Variants in NCK2 observed in about 807,000 individuals in gnomAD.
The protein encoded by NCK2 is cytoplasmic protein NCK2.
A neutral mutation model predicts 33.9 loss-of-function variants in NCK2; 16 were observed. The observed-to-expected ratio is 0.47, with a 90% CI of 0.32 to 0.72. The LOEUF is 0.72. Among genes scored for constraint, NCK2 ranks in the 30% least tolerant of loss-of-function variants. The probability of loss-of-function intolerance (pLI) is 0.03; values close to 1 mark genes in which losing one functional copy is unlikely to be tolerated. For synonymous variants in NCK2, 273 were observed against 239.9 expected (o/e 1.14, Z -1.27); for missense variants, 418 against 537.3 (o/e 0.78, Z 2.19).
At chr2:105,833,459 T>C (rs1446400880) in intron 2 of NCK2, among the ~76,000 whole-genome samples, 3 of 152,186 alleles carry the variant, frequency 2.0e-5, no homozygotes, top group African/African-American at 7.2e-5. Context: ...TTGTTTTCCT[T>C]GGGTTTTCTA....
At chr2:105,751,495 G>A (rs1178346334) in intron 1 of NCK2, among the ~76,000 whole-genome samples, 1 of 152,204 alleles carries the variant, frequency 6.6e-6, no homozygotes, top group African/African-American at 2.4e-5. Flanking sequence ...GGGCTTGCAC[G>A]ACTGGGCTGC....
chr2:105,887,599 C>T (rs756086507), intron 4 of NCK2, among the ~76,000 whole-genome samples: 11 of 152,112 alleles, frequency 7.2e-5, no homozygotes, highest in Non-Finnish European at 1.3e-4. Flanking sequence ...GAGCAAGGCC[C>T]CTCCCTCCCG....
chr2:105,847,149 A>T (rs1676882491), intron 2 of NCK2: 1 of 152,160 alleles, frequency 6.6e-6, no homozygotes, highest in Non-Finnish European at 1.5e-5. Context: ...GTTGCCAGGG[A>T]CTGGGGGAAG....
intron 1 of NCK2, among the ~76,000 whole-genome samples, chr2:105,779,631 A>G (rs533654822): frequency 6.6e-6 from 1 of 152,170 alleles, no homozygotes; most frequent in South Asian, 2.1e-4. Flanking sequence ...GATGGAAAGG[A>G]GAGCTTGCTC....
intron 1 of NCK2, among the ~76,000 whole-genome samples, chr2:105,814,333 A>T (rs898470218): frequency 1.3e-5 from 2 of 152,214 alleles, no homozygotes; most frequent in Non-Finnish European, 2.9e-5. Context: ...TTCACGTTTT[A>T]CACTTGAATC....
intron 1 of NCK2, among the ~76,000 whole-genome samples, chr2:105,752,720 C>T (rs759066450): frequency 1.7e-4 from 26 of 152,170 alleles, no homozygotes; most frequent in Admixed American, 9.8e-4. Context: ...TCTCTGGTTC[C>T]GTCTGGATAA....
chr2:105,804,463 A>T (rs1674955237), intron 1 of NCK2, among the ~76,000 whole-genome samples: 1 of 152,340 alleles, frequency 6.6e-6, no homozygotes, highest in Admixed American at 6.5e-5. Context: ...TTACACAGCT[A>T]ATCTGGCATT....
intron 2 of NCK2, among the ~76,000 whole-genome samples, chr2:105,818,777 TGTG>T (rs1357777931): frequency 6.6e-6 from 1 of 152,196 alleles, no homozygotes; most frequent in Admixed American, 6.5e-5. Context: ...AATCTTTTGG[TGTG>T]GTGGTTTCTG....
intron 2 of NCK2, among the ~76,000 whole-genome samples, chr2:105,842,167 C>A (rs1305194722): frequency 6.6e-6 from 1 of 151,938 alleles, no homozygotes. Flanking sequence ...CTCACTGCAA[C>A]CTCTGCCTCC....
At chr2:105,823,785 CA>C in intron 2 of NCK2, among the ~76,000 whole-genome samples, 1 of 152,146 alleles carries the variant, frequency 6.6e-6, no homozygotes, top group East Asian at 1.9e-4. Context: ...CACACCTGAC[CA>C]ACAGTCACAC....
At chr2:105,862,342 G>C (rs1677573780) in intron 3 of NCK2, among the ~76,000 whole-genome samples, 1 of 152,200 alleles carries the variant, frequency 6.6e-6, no homozygotes, top group South Asian at 2.1e-4. Flanking sequence ...TAGTTACATG[G>C]TACATAAATT....
At chr2:105,763,166 C>G (rs560492718) in intron 1 of NCK2, among the ~76,000 whole-genome samples, 1 of 152,292 alleles carries the variant, frequency 6.6e-6, no homozygotes, top group Non-Finnish European at 1.5e-5. Context: ...CCACCGCACT[C>G]CAGCCTGGGC....
In NCK2 at chr2:105,818,446, A is replaced by T. The variant is rs189907512; in HGVS notation, c.-17+1833A>T. Reference sequence around the variant, plus strand: ...AGTGTAATAAAAATATATATATATAAAAAGATTTTATTCCTTATACTGTAA... The same window carrying T: ...AGTGTAATAAAAATATATATATATATAAAGATTTTATTCCTTATACTGTAA... On this transcript the variant is annotated intron_variant, in intron 2 of 4. Transcript: ENST00000233154. Among the ~76,000 whole-genome samples the T allele has an allele frequency of 3.1e-3, 472 of 151,978 alleles. 1 individual carries two copies. The highest frequency in any genetic ancestry group is 5.1e-3 in the Admixed American group (78 of 15,266).
intron 3 of NCK2, among the ~76,000 whole-genome samples, chr2:105,859,493 T>G (rs1443313418): frequency 6.6e-6 from 1 of 152,192 alleles, no homozygotes; most frequent in African/African-American, 2.4e-5. Flanking sequence ...GTTAGAAACT[T>G]GCATGATCAG....
chr2:105,822,179 T>TA (rs11385276), intron 2 of NCK2, among the ~76,000 whole-genome samples: 1 of 151,904 alleles, frequency 6.6e-6, no homozygotes. Flanking sequence ...GTTTGGAGAG[T>TA]TCTTTGGAAA....
chr2:105,770,121 A>G (rs1690080544), intron 1 of NCK2, among the ~76,000 whole-genome samples: 1 of 103,804 alleles, frequency 9.6e-6, no homozygotes, highest in Non-Finnish European at 1.9e-5. Context: ...AAGCACTAAT[A>G]AGTAAAAAAA....
At chr2:105,747,971 A>G (rs968354668) in intron 1 of NCK2, among the ~76,000 whole-genome samples, 2 of 152,106 alleles carry the variant, frequency 1.3e-5, no homozygotes, top group African/African-American at 4.8e-5. Context: ...CTTTTCCTGC[A>G]TTTTCCTTTG....
chr2:105,868,149 T>G (rs1178671888), intron 3 of NCK2, among the ~76,000 whole-genome samples: 1 of 152,234 alleles, frequency 6.6e-6, no homozygotes. Flanking sequence ...GTGTAACCGA[T>G]GGACCTTGGC....
chr2:105,779,124 T>A (rs1484719705), intron 1 of NCK2, among the ~76,000 whole-genome samples: 1 of 151,912 alleles, frequency 6.6e-6, no homozygotes, highest in Non-Finnish European at 1.5e-5. Context: ...CTGGCCAACA[T>A]GGTGAAACCC....
Sources: gnomAD v4.1 joint callset for allele counts (sites outside exome capture counted in the v4.1 genomes callset) on GRCh38, gnomAD v4.1.1 for gene constraint, MANE v1.5 for transcripts, NCBI Gene and HGNC (gene_info 2026-07-23, HGNC 2026-07-21) for gene names.